ZFHX3: variants seen among roughly 807,000 people sequenced by gnomAD.
ZFHX3 encodes zinc finger homeobox 3, also known as zinc finger homeobox protein 3.
Under a neutral mutation model 279.1 loss-of-function variants are expected in ZFHX3, and 42 were observed. The observed-to-expected ratio is 0.15, with a 90% CI of 0.12 to 0.19. The LOEUF is 0.19. ZFHX3 is among the 10% of genes least tolerant of loss of function. ZFHX3 has a pLI of 1.00. For synonymous variants in ZFHX3, 2,293 were observed against 1,957.8 expected (o/e 1.17, Z -4.52); for missense variants, 4,981 against 4,754.0 (o/e 1.05, Z -1.40).
upstream of ZFHX3, among the ~76,000 whole-genome samples, chr16:73,049,423 T>G (rs773855386): frequency 6.6e-5 from 10 of 152,176 alleles, no homozygotes; most frequent in Non-Finnish European, 1.0e-4. Flanking sequence ...AGGCACACAC[T>G]GACTCGGGAG....
intron 1 of ZFHX3, among the ~76,000 whole-genome samples, chr16:73,729,858 A>T (rs2053553959): frequency 6.6e-6 from 1 of 152,192 alleles, no homozygotes; most frequent in African/African-American, 2.4e-5. Context: ...ACTTGCTTCC[A>T]TGTGTAATCT....
intron 3 of ZFHX3, among the ~76,000 whole-genome samples, chr16:73,453,682 T>C (rs1444213866): frequency 2.0e-5 from 3 of 152,190 alleles, no homozygotes; most frequent in Non-Finnish European, 4.4e-5. Context: ...GATAAAGACA[T>C]AGCTGAGACT....
chr16:73,740,282 A>G (rs1288971451), intron 1 of ZFHX3, among the ~76,000 whole-genome samples: 1 of 152,182 alleles, frequency 6.6e-6, no homozygotes, highest in African/African-American at 2.4e-5. Context: ...GCTTTGTGTC[A>G]TTAACTACCA....
intron 8 of ZFHX3, among the ~76,000 whole-genome samples, chr16:72,799,676 A>T (rs1455756139): frequency 1.3e-5 from 2 of 152,194 alleles, no homozygotes; most frequent in African/African-American, 2.4e-5. Flanking sequence ...ACAAGTCCCT[A>T]CTAATTAAGT....
intron 7 of ZFHX3, among the ~76,000 whole-genome samples, chr16:73,117,604 A>G (rs1966447052): frequency 6.6e-6 from 1 of 152,246 alleles, no homozygotes; most frequent in Non-Finnish European, 1.5e-5. Flanking sequence ...AGAAAGGGTG[A>G]CAATAGTCTG....
At chr16:72,798,836 C>T in intron 8 of ZFHX3, 122 bp from the exon 9 acceptor site, 1 of 1,420,604 alleles carries the variant, frequency 7.0e-7, no homozygotes, top group African/African-American at 1.4e-5. Context: ...GAGGGAAGTG[C>T]CCAACCTGAA....
intron 3 of ZFHX3, among the ~76,000 whole-genome samples, chr16:73,367,059 A>C (rs1164158093): frequency 2.0e-5 from 3 of 152,156 alleles, no homozygotes; most frequent in African/African-American, 7.2e-5. Flanking sequence ...TTTCTCTCCC[A>C]CAGTGAGTAA....
chr16:73,614,194 G>A (rs748589334), intron 2 of ZFHX3, among the ~76,000 whole-genome samples: 5 of 152,226 alleles, frequency 3.3e-5, no homozygotes, highest in Non-Finnish European at 5.9e-5. Context: ...ACACGTGAAC[G>A]TATGTGATGT....
At chr16:73,849,267 C>G (rs895525982) in intron 1 of ZFHX3, among the ~76,000 whole-genome samples, 1 of 152,214 alleles carries the variant, frequency 6.6e-6, no homozygotes, top group Non-Finnish European at 1.5e-5. Context: ...GAAGCCACAT[C>G]TCACAAGACC....
chr16:73,342,889 C>G (rs1415574627), intron 3 of ZFHX3, among the ~76,000 whole-genome samples: 1 of 152,206 alleles, frequency 6.6e-6, no homozygotes. Flanking sequence ...CACAGTGACA[C>G]TGTGTGGGGG....
intron 5 of ZFHX3, among the ~76,000 whole-genome samples, chr16:72,829,169 ATT>A (rs61563409): frequency 0.057 from 7,701 of 134,682 alleles, 714 homozygotes; most frequent in East Asian, 0.29. Flanking sequence ...CACACCCAGC[ATT>A]TTTTTTTTTT....
chr16:73,649,457 A>G (rs980626847), intron 2 of ZFHX3, among the ~76,000 whole-genome samples: 4 of 152,222 alleles, frequency 2.6e-5, no homozygotes, highest in Admixed American at 2.6e-4. Flanking sequence ...GAGTGTGTAT[A>G]TGCATAAAGA....
At chr16:73,414,385 C>T (rs1054227618) in intron 3 of ZFHX3, among the ~76,000 whole-genome samples, 3 of 152,234 alleles carry the variant, frequency 2.0e-5, no homozygotes, top group Admixed American at 1.3e-4. Context: ...AGATGTTTGT[C>T]CCTGTCTGTA....
At chr16:73,754,394 G>C (rs1026097215) in intron 1 of ZFHX3, among the ~76,000 whole-genome samples, 2 of 152,044 alleles carry the variant, frequency 1.3e-5, no homozygotes, top group African/African-American at 4.8e-5. Flanking sequence ...TCCGGGAAGA[G>C]AGAGGTTTGT....
At chr16:73,346,106 C>A (rs1195982531) in intron 3 of ZFHX3, among the ~76,000 whole-genome samples, 1 of 152,186 alleles carries the variant, frequency 6.6e-6, no homozygotes, top group East Asian at 1.9e-4. Context: ...TTTTGATCAG[C>A]CCCTCTCCTG....
chr16:73,070,124 C>G (rs954967103), intron 8 of ZFHX3, among the ~76,000 whole-genome samples: 1 of 152,082 alleles, frequency 6.6e-6, no homozygotes, highest in Non-Finnish European at 1.5e-5. Flanking sequence ...GTCATTGTAC[C>G]TTTTTTCAAC....
intron 6 of ZFHX3, among the ~76,000 whole-genome samples, chr16:73,142,018 C>A (rs80193913): frequency 6.6e-6 from 1 of 152,076 alleles, no homozygotes. Context: ...AACAAGGCTG[C>A]GATGAAGGCT....
chr16:73,557,074 G>T (rs2020296683), intron 2 of ZFHX3, among the ~76,000 whole-genome samples: 1 of 117,366 alleles, frequency 8.5e-6, no homozygotes, highest in South Asian at 2.9e-4. Flanking sequence ...CACCCTGGGG[G>T]ACAGAGCAAG....
intron 4 of ZFHX3, among the ~76,000 whole-genome samples, chr16:73,277,893 G>A (rs996892650): frequency 2.6e-5 from 4 of 152,154 alleles, no homozygotes; most frequent in Non-Finnish European, 4.4e-5. Context: ...TTACAAGGCA[G>A]GAGCAAGAGA....
Sources: allele counts gnomAD v4.1 joint callset (sites outside exome capture counted in the v4.1 genomes callset), GRCh38; gene constraint gnomAD v4.1.1; transcripts MANE v1.5; gene names NCBI Gene and HGNC (gene_info 2026-07-23, HGNC 2026-07-21).